DCC: variants seen among roughly 807,000 people sequenced by gnomAD.
The protein encoded by DCC is DCC netrin 1 receptor.
A neutral mutation model predicts 172.5 loss-of-function variants in DCC; 58 were observed. That is an observed-to-expected ratio of 0.34 (90% confidence interval 0.27 to 0.42). The LOEUF is 0.42. Among genes scored for constraint, DCC ranks in the 10% least tolerant of loss-of-function variants. The pLI is 1.00. For missense variants in DCC, 1,740 were observed against 1,791.0 expected, an observed-to-expected ratio of 0.97 and a Z score of 0.51; for synonymous variants, 709 against 644.5, an observed-to-expected ratio of 1.10 and a Z score of -1.52.
chr18:53,177,981 A>G (rs2055134814), intron 8 of DCC, among the ~76,000 whole-genome samples: 2 of 152,210 alleles, frequency 1.3e-5, no homozygotes, highest in African/African-American at 2.4e-5. Context: ...GTCCAAAACC[A>G]AAACATATCT....
chr18:53,259,973 C>G (rs909460251), intron 12 of DCC, among the ~76,000 whole-genome samples: 2 of 152,042 alleles, frequency 1.3e-5, no homozygotes. Flanking sequence ...TCACTGATAC[C>G]CTTTCTTCCA....
intron 1 of DCC, among the ~76,000 whole-genome samples, chr18:52,509,807 A>C (rs2031368142): frequency 6.6e-6 from 1 of 152,168 alleles, no homozygotes; most frequent in South Asian, 2.1e-4. Flanking sequence ...CTCTTGATTA[A>C]GTCTAGTCAG....
At chr18:53,386,929 C>T (rs1412278195) in intron 16 of DCC, among the ~76,000 whole-genome samples, 1 of 152,122 alleles carries the variant, frequency 6.6e-6, no homozygotes, top group African/African-American at 2.4e-5. Context: ...GACTACTTCC[C>T]CAAACCCCTG....
intron 7 of DCC, among the ~76,000 whole-genome samples, chr18:53,086,275 C>T (rs1189150903): frequency 1.4e-3 from 30 of 21,254 alleles, no homozygotes; most frequent in East Asian, 4.1e-3. Flanking sequence ...CTTCTTCTTC[C>T]TTTCTTCTTC....
At chr18:53,513,917 C>A (rs1322549319) in intron 27 of DCC, among the ~76,000 whole-genome samples, 1 of 151,086 alleles carries the variant, frequency 6.6e-6, no homozygotes, top group East Asian at 1.9e-4. Context: ...GACAGAAAGT[C>A]AACAAGGATA....
intron 5 of DCC, among the ~76,000 whole-genome samples, chr18:53,054,128 T>C (rs910178117): frequency 1.3e-5 from 2 of 152,140 alleles, no homozygotes; most frequent in Non-Finnish European, 2.9e-5. Context: ...TTTTAAATCA[T>C]CTCTAGATTA....
chr18:52,906,448 G>T, intron 3 of DCC, 120 bp downstream of exon 3: 2 of 1,038,924 alleles, frequency 1.9e-6, no homozygotes, highest in South Asian at 1.5e-5. Flanking sequence ...ATTGCGTTTT[G>T]TTTATTATTT....
At chr18:52,417,134 C>T (rs1987064344) in intron 1 of DCC, among the ~76,000 whole-genome samples, 1 of 152,074 alleles carries the variant, frequency 6.6e-6, no homozygotes, top group East Asian at 1.9e-4. Flanking sequence ...ACTTATGAAG[C>T]TTAGTTTGGC....
At chr18:53,082,511 A>G (rs1354283502) in intron 7 of DCC, among the ~76,000 whole-genome samples, 1 of 152,128 alleles carries the variant, frequency 6.6e-6, no homozygotes, top group Admixed American at 6.6e-5. Flanking sequence ...CTCCAGGGCA[A>G]AAATTGGACC....
chr18:52,634,407 T>C (rs77427718), intron 1 of DCC, among the ~76,000 whole-genome samples: 2 of 152,286 alleles, frequency 1.3e-5, no homozygotes, highest in Non-Finnish European at 2.9e-5. Flanking sequence ...CAAAGTAGTA[T>C]CACATTAATT....
chr18:52,358,942 C>T (rs779975089), intron 1 of DCC, among the ~76,000 whole-genome samples: 20 of 152,176 alleles, frequency 1.3e-4, no homozygotes, highest in Non-Finnish European at 2.6e-4. Context: ...TGTTGATTCT[C>T]CCTCTGTTAA....
intron 15 of DCC, among the ~76,000 whole-genome samples, chr18:53,365,372 C>A (rs1208119817): frequency 6.7e-6 from 1 of 149,596 alleles, no homozygotes; most frequent in Admixed American, 6.7e-5. Context: ...TGCACAGGTA[C>A]CCTAGAACTT....
chr18:53,103,112 T>C (rs1290634160), intron 7 of DCC, among the ~76,000 whole-genome samples: 1 of 152,088 alleles, frequency 6.6e-6, no homozygotes, highest in East Asian at 1.9e-4. Flanking sequence ...TGATTTCTTA[T>C]TGAGCACTAC....
intron 1 of DCC, among the ~76,000 whole-genome samples, chr18:52,435,242 G>T (rs1162033566): frequency 1.3e-5 from 2 of 152,024 alleles, no homozygotes; most frequent in Non-Finnish European, 2.9e-5. Context: ...CTGTTCCCTT[G>T]TTGATTGCTT....
At chr18:53,362,378 C>T (rs1176171826) in intron 15 of DCC, among the ~76,000 whole-genome samples, 3 of 152,080 alleles carry the variant, frequency 2.0e-5, no homozygotes, top group Non-Finnish European at 2.9e-5. Flanking sequence ...ACATTTTTCA[C>T]TTATCTGAAT....
intron 3 of DCC, among the ~76,000 whole-genome samples, chr18:52,907,394 T>C (rs966233024): frequency 6.8e-6 from 1 of 147,290 alleles, no homozygotes; most frequent in Non-Finnish European, 1.5e-5. Flanking sequence ...ATATATGTCA[T>C]GTATATATAC....
chr18:53,105,122 A>G (rs1434646934), intron 7 of DCC, among the ~76,000 whole-genome samples: 1 of 152,046 alleles, frequency 6.6e-6, no homozygotes, highest in East Asian at 1.9e-4. Flanking sequence ...TTAGATTTCT[A>G]GATCTTGGAA....
intron 15 of DCC, among the ~76,000 whole-genome samples, chr18:53,355,138 CT>C (rs1016669399): frequency 6.6e-6 from 1 of 152,054 alleles, no homozygotes; most frequent in African/African-American, 2.4e-5. Flanking sequence ...ATCTATATCT[CT>C]GTTTTGGTAC....
At chr18:53,263,922 T>G (rs938159402) in intron 12 of DCC, among the ~76,000 whole-genome samples, 4 of 152,132 alleles carry the variant, frequency 2.6e-5, no homozygotes, top group African/African-American at 9.7e-5. Flanking sequence ...AAAGGAATAA[T>G]TACAATCAAT....
Sources: gnomAD v4.1 joint callset for allele counts (sites outside exome capture counted in the v4.1 genomes callset) on GRCh38, gnomAD v4.1.1 for gene constraint, MANE v1.5 for transcripts, NCBI Gene and HGNC (gene_info 2026-07-23, HGNC 2026-07-21) for gene names.